The following RIOX2 variants were observed in gnomAD, a reference collection of about 807,000 sequenced individuals.
The protein encoded by RIOX2 is 60S ribosomal protein L27a histidine hydroxylase.
In RIOX2, 43 loss-of-function variants were observed where a neutral mutation model predicts 51.2. That is an observed-to-expected ratio of 0.84 (90% CI 0.66 to 1.08). The LOEUF (loss-of-function observed/expected upper bound fraction) is 1.08, where lower values mean the gene tolerates loss of function less well. Among genes scored for constraint, RIOX2 ranks in the 50% least tolerant of loss-of-function variants. RIOX2 has a pLI of 0.00. For synonymous variants in RIOX2, 226 were observed against 218.5 expected, an observed-to-expected ratio of 1.03 and a Z score of -0.30; for missense variants, 566 against 561.7, an observed-to-expected ratio of 1.01 and a Z score of -0.08.
At chr3:97,970,863 C>A (rs1330504498) in intron 1 of RIOX2, among the ~76,000 whole-genome samples, 2 of 152,182 alleles carry the variant, frequency 1.3e-5, no homozygotes, top group Non-Finnish European at 2.9e-5. Flanking sequence ...TAAAGGTACC[C>A]TAACCTCCTT....
At chr3:97,971,693 G>C (rs1262964061) in intron 1 of RIOX2, 3 of 152,168 alleles carry the variant, frequency 2.0e-5, no homozygotes, top group African/African-American at 7.2e-5. Flanking sequence ...TCTGCTCAAA[G>C]ATGAGCCCAG....
chr3:97,963,011 G>C (rs930065989), intron 2 of RIOX2, among the ~76,000 whole-genome samples: 3 of 152,186 alleles, frequency 2.0e-5, no homozygotes, highest in African/African-American at 7.2e-5. Context: ...TACTTGCTGA[G>C]CAAACCAATG....
Position 97,943,100 on chromosome 3 carries a change from A to G in RIOX2, c.*2084T>C, listed in dbSNP as rs2040267842. 3.2e-6 allele frequency: 2 copies of G among 616,312 alleles called. No homozygotes were observed. Among genetic ancestry groups the G allele is most frequent in the Non-Finnish European group, 2.9e-6 (1 of 349,852 alleles). 38.2% of individuals were successfully genotyped at this position (616,312 alleles called of 1,614,324 possible). On this transcript the variant is annotated 3_prime_UTR_variant, in exon 10 of 10. Coordinates refer to ENST00000394198, the MANE Select transcript of RIOX2 (RefSeq NM_153182.4). ...CTGTTCAAACTCAGCTTCCCATTTC[A>G]GACTTCTTTGTAAATGACACATTCA... is the stretch of plus-strand genomic sequence containing the variant.
chr3:97,963,552 A>G (rs1705761897), intron 2 of RIOX2, among the ~76,000 whole-genome samples: 2 of 152,314 alleles, frequency 1.3e-5, no homozygotes, highest in East Asian at 3.9e-4. Context: ...AAAGGGCCTA[A>G]TCTATTTCAG....
At position 97,943,270 on chromosome 3, in the gene RIOX2, C is replaced by G; in HGVS notation, c.*1914G>C. On this transcript the variant is annotated 3_prime_UTR_variant, in exon 10 of 10. Coordinates refer to ENST00000394198, the MANE Select transcript of RIOX2 (RefSeq NM_153182.4). ...GACTCATGTAATTGTAAATCAGCCC[C>G]TGGAGGGAGAAGAAACACAGAAATG... 1 of 1,594,434 alleles carries G rather than the reference C, an allele frequency of 6.3e-7. No individual in the cohort carries two copies. Among genetic ancestry groups the G allele is most frequent in the Non-Finnish European group, 8.6e-7 (1 of 1,164,220 alleles).
At position 97,943,822 on chromosome 3, in the gene RIOX2, G is replaced by A; in HGVS notation, c.*1362C>T. On this transcript the variant is annotated 3_prime_UTR_variant, in exon 10 of 10. Coordinates refer to ENST00000394198, the MANE Select transcript of RIOX2 (RefSeq NM_153182.4). ...CTAAACTTTCCTAGATAAACTTTAA[G>A]GTTTCTATACTGAGGCTTTTATAAT... is the stretch of plus-strand genomic sequence containing the variant. 1 of 153,060 alleles carries A rather than the reference G, an allele frequency of 6.5e-6. No homozygotes were observed. The highest frequency in any genetic ancestry group is 1.5e-5 in the Non-Finnish European group (1 of 68,860). 9.5% of individuals were successfully genotyped at this position (153,060 alleles called of 1,614,324 possible).
chr3:97,952,738 T>C (rs914705258), intron 5 of RIOX2, among the ~76,000 whole-genome samples: 24 of 152,292 alleles, frequency 1.6e-4, no homozygotes, highest in African/African-American at 5.5e-4. Flanking sequence ...TTCCAGCCTC[T>C]CTGTAGCCTG....
chr3:97,954,219 G>A (rs1479542047), intron 5 of RIOX2, 173 bp downstream of exon 5: 4 of 575,956 alleles, frequency 6.9e-6, no homozygotes, highest in African/African-American at 5.6e-5. Context: ...AAGTCCAGAG[G>A]GACCAGTCAC....
chr3:97,961,821 T>C, intron 2 of RIOX2, 113 bp from the exon 3 acceptor site: 6 of 1,132,942 alleles, frequency 5.3e-6, no homozygotes, highest in Non-Finnish European at 7.2e-6. Context: ...GCACAACTAT[T>C]ATACACCAGA....
chr3:97,961,728 AG>A lies in RIOX2; in HGVS notation c.433-21del. The A allele has an allele frequency of 6.3e-7, 1 of 1,577,854 alleles. No individual in the cohort carries two copies. Among genetic ancestry groups the A allele is most frequent in the Middle Eastern group, 1.7e-4 (1 of 5,842 alleles). On this transcript the variant is annotated intron_variant, in intron 2 of 9. Coordinates refer to ENST00000394198, the MANE Select transcript of RIOX2 (RefSeq NM_153182.4). The stretch of plus-strand genomic sequence containing the variant: ...CTCATCCTTTACAAAAAAGGAAAAA[AG>A]AAAGGGTCGGCGTGGGGGAGTGAAA...
At chr3:97,966,909 A>G (rs1194249781) in intron 2 of RIOX2, among the ~76,000 whole-genome samples, 4 of 152,250 alleles carry the variant, frequency 2.6e-5, no homozygotes, top group Non-Finnish European at 4.4e-5. Flanking sequence ...AACTTGCAGT[A>G]TAATTAGTTT....
Position 97,961,617 on chromosome 3 carries a change from C to T in RIOX2, c.524G>A (p.Gly175Asp), listed in dbSNP as rs1477322707. 4 of 1,607,076 alleles carry T rather than the reference C, an allele frequency of 2.5e-6. No individual in the cohort carries two copies. The African/African-American group carries it at 4.0e-5, about 16-fold the overall frequency. ...GACATCATCATAATGGGGCGGCAGG[C>T]CCTGAGATCCTGCGGGAGTTATGTA... ...NVYITPAGSQ[G>D]LPPHYDDVEV... The change falls in exon 3 of 10, where the codon GGC (glycine) becomes GAC (aspartate). Residue 175 changes from glycine (G) to aspartate (D), a missense_variant. By Grantham distance (94) the Gly-to-Asp change is moderately conservative (BLOSUM62 -1). Transcript: ENST00000394198.
At position 97,967,316 on chromosome 3, in the gene RIOX2, C is replaced by T. The variant is rs1705929908; in HGVS notation, c.278G>A (p.Gly93Glu). ...LTDLKSLCSRGMYYGRDVNVC... is the reference protein window; with the variant it reads ...LTDLKSLCSREMYYGRDVNVC... ...ATTCACATCTCTTCCATAGTACATC[C>T]CCCGGCTGCACAGACTCTTCAGATC... Residue 93 changes from glycine to glutamate, a missense_variant, in exon 2 of 10, where the codon GGG (glycine) becomes GAG (glutamate). Transcript: ENST00000394198. 1.2e-6 allele frequency: 2 copies of T among 1,614,146 alleles called. No homozygotes were observed. The highest frequency in any genetic ancestry group is 2.2e-5 in the South Asian group (2 of 91,082).
intron 4 of RIOX2, 88 bp from the exon 5 acceptor site, chr3:97,954,583 A>G (rs1184802729): frequency 1.8e-6 from 2 of 1,095,524 alleles, no homozygotes; most frequent in African/African-American, 3.1e-5. Flanking sequence ...ATGGGCTTTG[A>G]GTCTCAGTTC....
Position 97,943,201 on chromosome 3 carries a change from T to C in RIOX2, c.*1983A>G, listed in dbSNP as rs757683244. 2 of 1,380,976 alleles carry C rather than the reference T, an allele frequency of 1.4e-6. No individual in the cohort carries two copies. Among genetic ancestry groups the C allele is most frequent in the Non-Finnish European group, 2.0e-6 (2 of 977,774 alleles). 85.5% of individuals were successfully genotyped at this position (1,380,976 alleles called of 1,614,324 possible). On this transcript the variant is annotated 3_prime_UTR_variant, in exon 10 of 10. Transcript: ENST00000394198. ...TAAGCACCTGCCTGAACAAATAATC[T>C]TTTCTTTTGGAATTTCTATTTTAGG...
chr3:97,965,137 A>G (rs559898901), intron 2 of RIOX2, among the ~76,000 whole-genome samples: 47 of 150,924 alleles, frequency 3.1e-4, no homozygotes, highest in African/African-American at 1.1e-3. Context: ...AGCACTTAGA[A>G]TCCAGACTCT....
At chr3:97,962,109 G>A (rs1353827601) in intron 2 of RIOX2, among the ~76,000 whole-genome samples, 1 of 152,174 alleles carries the variant, frequency 6.6e-6, no homozygotes, top group Non-Finnish European at 1.5e-5. Flanking sequence ...AGCGAGAAGT[G>A]ACTGGGGTGG....
intron 4 of RIOX2, 150 bp from the exon 5 acceptor site, chr3:97,954,645 T>G: frequency 1.5e-6 from 1 of 664,168 alleles, no homozygotes; most frequent in Admixed American, 2.3e-5. Context: ...TGGGCTCATG[T>G]CGTGTGCAGC....
intron 2 of RIOX2, among the ~76,000 whole-genome samples, chr3:97,966,694 T>C (rs1278842734): frequency 1.3e-5 from 2 of 152,324 alleles, no homozygotes; most frequent in South Asian, 4.1e-4. Context: ...ATCTAGCATG[T>C]GATCTGGTCA....
Sources: gnomAD v4.1 joint callset for allele counts (sites outside exome capture counted in the v4.1 genomes callset) on GRCh38, gnomAD v4.1.1 for gene constraint, MANE v1.5 for transcripts, NCBI Gene and HGNC (gene_info 2026-07-23, HGNC 2026-07-21) for gene names.